Variants in DTD1 observed in about 807,000 individuals in gnomAD.
DTD1 encodes the protein D-tyrosyl-tRNA deacylase 1 homolog.
Under a neutral mutation model 25.6 loss-of-function variants are expected in DTD1, and 13 were observed. That is an observed-to-expected ratio of 0.51 (90% CI 0.33 to 0.81). The LOEUF (loss-of-function observed/expected upper bound fraction) is 0.81. DTD1 is among the 30% of genes least tolerant of loss of function. DTD1 has a pLI of 0.02. For synonymous variants in DTD1, 110 were observed against 103.6 expected (o/e 1.06, Z -0.37); for missense variants, 193 against 266.4 (o/e 0.72, Z 1.92).
intron 5 of DTD1, among the ~76,000 whole-genome samples, chr20:18,761,210 G>A (rs924080917): frequency 9.9e-5 from 15 of 151,952 alleles, no homozygotes; most frequent in South Asian, 6.2e-4. Context: ...CGCCCTGCTC[G>A]GTGTGCTGCA....
intron 3 of DTD1, among the ~76,000 whole-genome samples, chr20:18,599,838 C>T (rs563123437): frequency 1.1e-4 from 16 of 152,224 alleles, no homozygotes; most frequent in African/African-American, 3.9e-4. Context: ...CTGTTAAGGT[C>T]TTTGGCCCAT....
chr20:18,760,068 C>T (rs867421807), intron 5 of DTD1, among the ~76,000 whole-genome samples: 10 of 152,168 alleles, frequency 6.6e-5, no homozygotes, highest in East Asian at 1.9e-4. Flanking sequence ...GTTCTCGTGT[C>T]GTGGTTTTCA....
chr20:18,618,672 T>TACACACACAC (rs751474809), intron 3 of DTD1, among the ~76,000 whole-genome samples: 2,474 of 130,458 alleles, frequency 0.019, 52 homozygotes, highest in African/African-American at 0.034. Context: ...CATAATTTTA[T>TACACACACAC]ACACACACAC....
intron 3 of DTD1, among the ~76,000 whole-genome samples, chr20:18,624,103 C>G (rs958746804): frequency 6.6e-6 from 1 of 152,054 alleles, no homozygotes; most frequent in Non-Finnish European, 1.5e-5. Context: ...GCTGCTCCTG[C>G]TGTCTTTTGT....
At chr20:18,627,224 CCTT>C (rs11468796) in intron 3 of DTD1, among the ~76,000 whole-genome samples, 77,278 of 151,688 alleles carry the variant, frequency 0.51, 20,014 homozygotes, top group Middle Eastern at 0.56. Flanking sequence ...TTTGCTGAGT[CCTT>C]CTGAAGTTAG....
chr20:18,640,209 A>G (rs1328281022), intron 4 of DTD1, among the ~76,000 whole-genome samples: 1 of 152,044 alleles, frequency 6.6e-6, no homozygotes, highest in African/African-American at 2.4e-5. Context: ...TTATTTTTTA[A>G]TAGTAAGCTT....
chr20:18,735,925 G>T (rs1107997), intron 4 of DTD1, among the ~76,000 whole-genome samples: 52,819 of 151,878 alleles, frequency 0.35, 9,504 homozygotes, highest in Non-Finnish European at 0.4. Context: ...ATCATGAAAA[G>T]TATGCACAGA....
chr20:18,744,012 G>C (rs931646065), intron 4 of DTD1, 88 bp from the exon 5 acceptor site: 17 of 1,426,078 alleles, frequency 1.2e-5, no homozygotes, highest in Non-Finnish European at 1.6e-5. Context: ...CTTTTCAATG[G>C]TTCCCACCTG....
intron 4 of DTD1, among the ~76,000 whole-genome samples, chr20:18,656,632 G>A (rs762049355): frequency 1.2e-3 from 177 of 152,192 alleles, no homozygotes; most frequent in Non-Finnish European, 2.1e-3. Context: ...GTCAGAGTAG[G>A]TGCCATTGTA....
intron 5 of DTD1, among the ~76,000 whole-genome samples, chr20:18,759,753 C>G (rs1362945481): frequency 2.6e-5 from 4 of 152,150 alleles, no homozygotes; most frequent in Admixed American, 6.5e-5. Flanking sequence ...GTGGCGTTCT[C>G]TGTATTTCCT....
At chr20:18,612,941 G>T (rs899828332) in intron 3 of DTD1, among the ~76,000 whole-genome samples, 4 of 152,182 alleles carry the variant, frequency 2.6e-5, no homozygotes, top group Non-Finnish European at 5.9e-5. Context: ...TTACAGGCGT[G>T]AGCCACTGCA....
chr20:18,636,845 T>A (rs900699398), intron 4 of DTD1, among the ~76,000 whole-genome samples: 3 of 152,164 alleles, frequency 2.0e-5, no homozygotes, highest in East Asian at 3.8e-4. Context: ...ATCAAAGTTA[T>A]CCAGGGGTTG....
At chr20:18,642,277 T>C (rs2060831744) in intron 4 of DTD1, among the ~76,000 whole-genome samples, 3 of 152,238 alleles carry the variant, frequency 2.0e-5, no homozygotes, top group Admixed American at 6.5e-5. Flanking sequence ...CCTCCATAAT[T>C]TACCAGTTAT....
chr20:18,724,749 T>G (rs1410107469), intron 4 of DTD1, among the ~76,000 whole-genome samples: 1 of 152,234 alleles, frequency 6.6e-6, no homozygotes, highest in Non-Finnish European at 1.5e-5. Context: ...TTCCCTCCCC[T>G]GGAAAGATTT....
rs1005951062 is a variant in DTD1 at position 18,764,426 on chromosome 20, T to C, written c.*1086T>C. ...ACATATGATTTAATAGCTTTATTTA[T>C]ATATCTAATAACGCTCGCATATATG... On this transcript the variant is annotated 3_prime_UTR_variant, in exon 6 of 6. Coordinates refer to ENST00000377452, the MANE Select transcript of DTD1 (RefSeq NM_080820.6). The C allele has an allele frequency of 2.0e-5, 3 of 152,248 alleles. No homozygotes were observed. Among genetic ancestry groups the C allele is most frequent in the African/African-American group, 4.8e-5 (2 of 41,464 alleles). 9.4% of individuals were successfully genotyped at this position (152,248 alleles called of 1,614,324 possible). A position where few individuals can be genotyped will look rare whatever the true frequency, so the allele number is the denominator to read the frequency against.
chr20:18,739,671 A>G lies in DTD1; in HGVS notation c.478-4429A>G, dbSNP rs2061269392. ...TGACATGCATCTCCTCTTAATTTGA[A>G]AGCTGTTGACATTTTGCTTGAGCTC... On this transcript the variant is annotated intron_variant, in intron 4 of 5. Transcript: ENST00000377452. Among the ~76,000 whole-genome samples the G allele has an allele frequency of 2.0e-5, 3 of 152,152 alleles. No homozygotes were observed. The South Asian group carries it at 6.2e-4, about 32-fold the overall frequency.
In DTD1 at chr20:18,764,398, T is replaced by C. The variant is rs1264385425; in HGVS notation, c.*1058T>C. 2 of 152,264 alleles carry C rather than the reference T, an allele frequency of 1.3e-5. No individual in the cohort carries two copies. The highest frequency in any genetic ancestry group is 4.8e-5 in the African/African-American group (2 of 41,468). The allele number at this position is 152,264 out of a possible 1,614,324, so 9.4% of individuals were successfully genotyped here. A position where few individuals can be genotyped will look rare whatever the true frequency, so the allele number is the denominator to read the frequency against. ...GTGGCACACTCAGAGTAGTCATTTTTTGACATATGATTTAATAGCTTTATT... is the reference window on the plus strand; with the variant it reads ...GTGGCACACTCAGAGTAGTCATTTTCTGACATATGATTTAATAGCTTTATT... On this transcript the variant is annotated 3_prime_UTR_variant, in exon 6 of 6. Transcript: ENST00000377452.
In DTD1 at chr20:18,608,700, G is replaced by A. The variant is rs1256736184; in HGVS notation, c.370+12459G>A. The stretch of plus-strand genomic sequence containing the variant: ...CCAGCCACATTTCAGGTGCCCAATG[G>A]CCGTGTATAGGCCATGGCTGTCATA... On this transcript the variant is annotated intron_variant, in intron 3 of 5. Transcript: ENST00000377452. 3.9e-5 allele frequency among the ~76,000 whole-genome samples: 6 copies of A among 152,130 alleles called. No homozygotes were observed. In the South Asian group the frequency reaches 1.2e-3, roughly 32 times the overall value.
chr20:18,648,540 A>G (rs2060858878), intron 4 of DTD1, among the ~76,000 whole-genome samples: 1 of 152,200 alleles, frequency 6.6e-6, no homozygotes, highest in African/African-American at 2.4e-5. Context: ...GAAAAATGCC[A>G]GACTCCTTGT....
Sources: allele counts gnomAD v4.1 joint callset (sites outside exome capture counted in the v4.1 genomes callset), GRCh38; gene constraint gnomAD v4.1.1; transcripts MANE v1.5; gene names NCBI Gene and HGNC (gene_info 2026-07-23, HGNC 2026-07-21).